Variants in LPAR1 observed in about 807,000 individuals in gnomAD.
LPAR1 encodes the protein LPA receptor 1.
In LPAR1, 5 loss-of-function variants were observed where a neutral mutation model predicts 23.8. The observed-to-expected ratio is 0.21, with a 90% CI of 0.11 to 0.44. The LOEUF is 0.44. Among genes scored for constraint, LPAR1 ranks in the 20% least tolerant of loss-of-function variants. LPAR1 has a pLI of 0.99. For missense variants in LPAR1, 311 were observed against 482.8 expected, an observed-to-expected ratio of 0.64 and a Z score of 3.33; for synonymous variants, 160 against 164.7, an observed-to-expected ratio of 0.97 and a Z score of 0.22.
chr9:110,984,306 A>G (rs1462450331), intron 2 of LPAR1, among the ~76,000 whole-genome samples: 3 of 152,002 alleles, frequency 2.0e-5, no homozygotes, highest in Non-Finnish European at 4.4e-5. Context: ...TAATTTTTTT[A>G]GTTCCTACAA....
At chr9:110,896,450 G>A (rs1436446267) in intron 5 of LPAR1, among the ~76,000 whole-genome samples, 2 of 152,176 alleles carry the variant, frequency 1.3e-5, no homozygotes, top group African/African-American at 4.8e-5. Context: ...AGGCAACTCA[G>A]AATGTTTTTT....
At chr9:111,000,932 T>C (rs1490602419) in intron 2 of LPAR1, among the ~76,000 whole-genome samples, 1 of 152,168 alleles carries the variant, frequency 6.6e-6, no homozygotes, top group Non-Finnish European at 1.5e-5. Context: ...TCTAAAACAA[T>C]GAAAACCTTA....
intron 5 of LPAR1, among the ~76,000 whole-genome samples, chr9:110,907,180 G>A (rs2091463115): frequency 6.6e-6 from 1 of 152,116 alleles, no homozygotes; most frequent in African/African-American, 2.4e-5. Flanking sequence ...TGGCCCTAAT[G>A]TCACAAACAA....
chr9:110,959,306 A>G (rs536789289), intron 4 of LPAR1, among the ~76,000 whole-genome samples: 1 of 148,354 alleles, frequency 6.7e-6, no homozygotes, highest in East Asian at 1.9e-4. Flanking sequence ...AAGGGAGGAA[A>G]GGAGGAAAGG....
intron 5 of LPAR1, among the ~76,000 whole-genome samples, chr9:110,915,610 C>T (rs963521089): frequency 6.6e-6 from 1 of 152,104 alleles, no homozygotes; most frequent in Non-Finnish European, 1.5e-5. Flanking sequence ...AATCTGTGAA[C>T]ATATTATTCA....
intron 2 of LPAR1, among the ~76,000 whole-genome samples, chr9:111,012,494 C>T (rs1564338150): frequency 6.6e-6 from 1 of 150,802 alleles, no homozygotes; most frequent in African/African-American, 2.5e-5. Context: ...CACACACACA[C>T]ATACACACTC....
intron 2 of LPAR1, among the ~76,000 whole-genome samples, chr9:111,003,840 G>A (rs2097170458): frequency 6.6e-6 from 1 of 152,082 alleles, no homozygotes; most frequent in African/African-American, 2.4e-5. Context: ...AGATTTATAT[G>A]GCTCACAGAA....
chr9:110,989,714 G>A (rs1043419169), intron 2 of LPAR1, among the ~76,000 whole-genome samples: 1 of 152,038 alleles, frequency 6.6e-6, no homozygotes, highest in Admixed American at 6.6e-5. Context: ...AAAGCAAGAT[G>A]ATAGATTTAA....
At chr9:110,976,979 G>A (rs1278271929) in intron 2 of LPAR1, among the ~76,000 whole-genome samples, 2 of 152,038 alleles carry the variant, frequency 1.3e-5, no homozygotes, top group Non-Finnish European at 2.9e-5. Flanking sequence ...CCAAAGAAAT[G>A]ACCAGTTGAT....
intron 2 of LPAR1, among the ~76,000 whole-genome samples, chr9:110,996,498 T>C (rs78648165): frequency 0.019 from 2,949 of 152,218 alleles, 100 homozygotes; most frequent in African/African-American, 0.068. Context: ...TGATATTCCC[T>C]AAAAAATCTG....
intron 5 of LPAR1, among the ~76,000 whole-genome samples, chr9:110,927,787 A>G (rs1002469919): frequency 6.6e-6 from 1 of 152,184 alleles, no homozygotes; most frequent in African/African-American, 2.4e-5. Flanking sequence ...AAACTAATCA[A>G]TAAGTTAAGC....
chr9:110,914,604 C>A (rs2092855890), intron 5 of LPAR1, among the ~76,000 whole-genome samples: 2 of 152,220 alleles, frequency 1.3e-5, no homozygotes, highest in South Asian at 4.1e-4. Flanking sequence ...TGTGTTTCCA[C>A]AAAATCTCTA....
At chr9:111,012,820 G>A (rs558517453) in intron 2 of LPAR1, among the ~76,000 whole-genome samples, 4 of 152,164 alleles carry the variant, frequency 2.6e-5, no homozygotes, top group African/African-American at 9.6e-5. Context: ...GAAAAGGCAA[G>A]GAAAGAGAAA....
rs1456024296 is a variant in LPAR1 at position 110,993,473 on chromosome 9, G to A, written c.-181-19915C>T. On this transcript the variant is annotated intron_variant, in intron 2 of 5. Coordinates refer to ENST00000683809, the MANE Select transcript of LPAR1 (RefSeq NM_001351411.2). ...TCAGTGGCTCCAAGGGCAGCCCAAC[G>A]CAGAGTGTCAGAGTCTAAGTGAGGT... is the stretch of plus-strand genomic sequence containing the variant. Among the ~76,000 whole-genome samples, 6 of 152,092 alleles carry A rather than the reference G, an allele frequency of 3.9e-5. No individual in the cohort carries two copies. The East Asian group carries it at 7.7e-4, about 20-fold the overall frequency.
chr9:110,966,501 A>T (rs1395621952), intron 4 of LPAR1, among the ~76,000 whole-genome samples: 1 of 151,520 alleles, frequency 6.6e-6, no homozygotes, highest in African/African-American at 2.4e-5. Context: ...AAAAAAACCA[A>T]CCTAGATGAT....
At chr9:110,902,222 G>A (rs1166159548) in intron 5 of LPAR1, among the ~76,000 whole-genome samples, 1 of 152,034 alleles carries the variant, frequency 6.6e-6, no homozygotes, top group Non-Finnish European at 1.5e-5. Context: ...CTACCAGGCT[G>A]GCCAGCGGTA....
intron 2 of LPAR1, among the ~76,000 whole-genome samples, chr9:110,979,709 G>C (rs766187780): frequency 3.9e-5 from 6 of 152,138 alleles, no homozygotes; most frequent in Non-Finnish European, 7.4e-5. Context: ...ATGAAGCAAT[G>C]AGGAAGGCAG....
chr9:110,977,514 CT>C (rs1343584593), intron 2 of LPAR1, among the ~76,000 whole-genome samples: 5 of 152,144 alleles, frequency 3.3e-5, no homozygotes, highest in African/African-American at 1.2e-4. Flanking sequence ...GATGCTGGCT[CT>C]TTTCCCAGGC....
intron 5 of LPAR1, among the ~76,000 whole-genome samples, chr9:110,926,134 ATGGTCT>A (rs2094011009): frequency 6.6e-6 from 1 of 152,068 alleles, no homozygotes. Flanking sequence ...GTTAGCCAGG[ATGGTCT>A]CGATCTCCTG....
Sources: gnomAD v4.1 joint callset for allele counts (sites outside exome capture counted in the v4.1 genomes callset) on GRCh38, gnomAD v4.1.1 for gene constraint, MANE v1.5 for transcripts, NCBI Gene and HGNC (gene_info 2026-07-23, HGNC 2026-07-21) for gene names.